The following PTPRT variants were observed in gnomAD, a reference collection of about 807,000 sequenced individuals.
PTPRT encodes the protein receptor-type tyrosine-protein phosphatase T.
Under a neutral mutation model 176.8 loss-of-function variants are expected in PTPRT, and 56 were observed. The ratio of observed to expected loss-of-function variants is 0.32; its 90% CI spans 0.26 to 0.40. PTPRT has a LOEUF of 0.40. Among genes scored for constraint, PTPRT ranks in the 10% least tolerant of loss-of-function variants. The probability of loss-of-function intolerance (pLI) is 1.00; values close to 1 mark genes in which losing one functional copy is unlikely to be tolerated. For missense variants in PTPRT, 1,540 were observed against 1,908.2 expected (o/e 0.81, Z 3.60); for synonymous variants, 783 against 739.0 (o/e 1.06, Z -0.96).
At chr20:42,592,883 C>G (rs2073604919) in intron 7 of PTPRT, among the ~76,000 whole-genome samples, 1 of 152,190 alleles carries the variant, frequency 6.6e-6, no homozygotes, top group African/African-American at 2.4e-5. Context: ...TTTCAAGAGT[C>G]TTCTGTATCC....
chr20:42,183,936 G>A (rs6093587), intron 16 of PTPRT, among the ~76,000 whole-genome samples: 50,826 of 151,736 alleles, frequency 0.33, 8,906 homozygotes, highest in East Asian at 0.38. Context: ...CTGTCCTGTT[G>A]CTAGGAAGCC....
At chr20:43,042,703 A>ACCCCCCCT (rs1986660103) in intron 1 of PTPRT, among the ~76,000 whole-genome samples, 11 of 118,648 alleles carry the variant, frequency 9.3e-5, no homozygotes, top group African/African-American at 1.9e-4. Flanking sequence ...GCATTCTTCC[A>ACCCCCCCT]CCCACCCTCC....
At chr20:43,159,998 C>T (rs1464852877) in intron 1 of PTPRT, among the ~76,000 whole-genome samples, 2 of 95,628 alleles carry the variant, frequency 2.1e-5, no homozygotes, top group Admixed American at 2.4e-4. Context: ...CTTACTTCCC[C>T]CTGCAAAAAA....
intron 14 of PTPRT, among the ~76,000 whole-genome samples, chr20:42,239,665 A>G (rs1042311422): frequency 1.3e-5 from 2 of 151,928 alleles, no homozygotes; most frequent in East Asian, 1.9e-4. Flanking sequence ...CTCGTGATCC[A>G]TCTGCCTCAG....
intron 2 of PTPRT, among the ~76,000 whole-genome samples, chr20:42,867,327 T>G (rs926926214): frequency 9.9e-5 from 15 of 151,152 alleles, no homozygotes; most frequent in African/African-American, 2.9e-4. Context: ...GCATTCCAAC[T>G]AATATCAGCC....
intron 1 of PTPRT, among the ~76,000 whole-genome samples, chr20:42,963,456 G>C (rs1982118515): frequency 6.6e-6 from 1 of 150,734 alleles, no homozygotes; most frequent in Non-Finnish European, 1.5e-5. Context: ...ACCAAATGGG[G>C]TCATTTTTAA....
chr20:42,717,196 A>C (rs1600655509), intron 6 of PTPRT, among the ~76,000 whole-genome samples: 1 of 150,788 alleles, frequency 6.6e-6, no homozygotes, highest in East Asian at 1.9e-4. Context: ...TAATAATAAT[A>C]ATAATAATAA....
intron 1 of PTPRT, among the ~76,000 whole-genome samples, chr20:43,042,546 C>CG (rs1005602431): frequency 3.4e-4 from 52 of 151,984 alleles, no homozygotes; most frequent in African/African-American, 1.2e-3. Context: ...GAAGAGTCCC[C>CG]CCTTGGTGAC....
chr20:42,209,825 C>T (rs1408420005), intron 15 of PTPRT, among the ~76,000 whole-genome samples: 1 of 152,162 alleles, frequency 6.6e-6, no homozygotes, highest in Non-Finnish European at 1.5e-5. Flanking sequence ...GATACCAAAG[C>T]CTGGCAGAGA....
intron 18 of PTPRT, among the ~76,000 whole-genome samples, chr20:42,134,003 T>C (rs965911693): frequency 6.6e-6 from 1 of 152,214 alleles, no homozygotes; most frequent in Non-Finnish European, 1.5e-5. Context: ...TCCATCTATC[T>C]GCAGAGGCAA....
At chr20:42,485,927 T>C (rs1053527228) in intron 7 of PTPRT, among the ~76,000 whole-genome samples, 7 of 152,208 alleles carry the variant, frequency 4.6e-5, no homozygotes, top group African/African-American at 1.7e-4. Flanking sequence ...CATTTGGGAC[T>C]TACCTAGGCA....
chr20:43,189,558 CT>C lies in PTPRT; in HGVS notation c.88+87del. 1 of 915,780 alleles carries C rather than the reference CT, an allele frequency of 1.1e-6. No homozygotes were observed. The highest frequency in any genetic ancestry group is 1.4e-6 in the Non-Finnish European group (1 of 716,454). 56.7% of individuals were successfully genotyped at this position (915,780 alleles called of 1,614,324 possible). A position where few individuals can be genotyped will look rare whatever the true frequency, so the allele number is the denominator to read the frequency against. ...CCCGCGCCCCCGCGAGCCCACACAA[CT>C]TTCTCCTCCGAGGGCCCCGCGGCTG... On this transcript the variant is annotated intron_variant, in intron 1 of 30. Transcript: ENST00000373187. The surrounding 1 kb of genome is among the most constrained non-coding windows in gnomAD (Gnocchi z 5.0).
chr20:43,000,602 A>G (rs886416041), intron 1 of PTPRT, among the ~76,000 whole-genome samples: 3 of 152,250 alleles, frequency 2.0e-5, no homozygotes, highest in African/African-American at 4.8e-5. Context: ...GCAAAATAAC[A>G]TAATGGAGCA....
intron 15 of PTPRT, among the ~76,000 whole-genome samples, chr20:42,212,521 C>G (rs535207021): frequency 3.0e-4 from 45 of 151,690 alleles, no homozygotes; most frequent in Non-Finnish European, 5.9e-5. Context: ...GGAGGCAGGA[C>G]TGCATAGCAG....
chr20:42,378,039 A>G (rs756370224), intron 9 of PTPRT, among the ~76,000 whole-genome samples: 5 of 152,234 alleles, frequency 3.3e-5, no homozygotes, highest in Non-Finnish European at 7.3e-5. Context: ...GGGGCAGAAT[A>G]GAAGGCTTAA....
At chr20:42,745,130 T>C (rs1295413441) in intron 6 of PTPRT, among the ~76,000 whole-genome samples, 4 of 152,172 alleles carry the variant, frequency 2.6e-5, no homozygotes, top group African/African-American at 9.7e-5. Flanking sequence ...CAAGCATCAC[T>C]AGTCAGAGTA....
chr20:43,137,759 C>T (rs870990), intron 1 of PTPRT, among the ~76,000 whole-genome samples: 31,678 of 152,136 alleles, frequency 0.21, 3,694 homozygotes, highest in Non-Finnish European at 0.25. Flanking sequence ...AACACATGCA[C>T]ACATGCACTC....
intron 1 of PTPRT, among the ~76,000 whole-genome samples, chr20:42,962,810 G>A (rs1313646834): frequency 6.6e-6 from 1 of 152,152 alleles, no homozygotes. Context: ...GCTCACGCCT[G>A]TACTCCCAAC....
chr20:42,059,686 C>G, the PTPRT span, among the ~76,000 whole-genome samples: 10 of 152,200 alleles, frequency 6.6e-5, no homozygotes, highest in Non-Finnish European at 1.0e-4. Context: ...GACCACTTTA[C>G]TGCCTCTTCT....
Sources: gnomAD v4.1 joint callset for allele counts (sites outside exome capture counted in the v4.1 genomes callset) on GRCh38, gnomAD v4.1.1 for gene constraint, Gnocchi (gnomAD v3.1) non-coding constraint, MANE v1.5 for transcripts, NCBI Gene and HGNC (gene_info 2026-07-23, HGNC 2026-07-21) for gene names.